The following NBEA variants were observed in gnomAD, a reference collection of about 807,000 sequenced individuals.
NBEA encodes lysosomal-trafficking regulator 2.
NBEA carries 44 observed loss-of-function variants against 343.4 expected under a neutral mutation model. The ratio of observed to expected loss-of-function variants is 0.13; its 90% CI spans 0.10 to 0.16. The LOEUF (loss-of-function observed/expected upper bound fraction) is 0.16. Ranked by LOEUF, NBEA falls within the 10% of genes least tolerant of loss-of-function variation. The pLI is 1.00. For synonymous variants in NBEA, 1,175 were observed against 1,238.7 expected (o/e 0.95, Z 1.08); for missense variants, 2,555 against 3,631.3 (o/e 0.70, Z 7.62).
chr13:34,980,333 T>C (rs772901976), intron 1 of NBEA, among the ~76,000 whole-genome samples: 11 of 152,006 alleles, frequency 7.2e-5, no homozygotes, highest in African/African-American at 1.2e-4. Flanking sequence ...TTCAAATCAT[T>C]AGTATCATGT....
rs1022931492 is a variant in NBEA, at chr13:35,218,588, G to C, written c.5648+7409G>C. Among the ~76,000 whole-genome samples the C allele has an allele frequency of 2.6e-5, 4 of 151,794 alleles. No individual in the cohort carries two copies. In the East Asian group the frequency reaches 7.7e-4, roughly 29 times the overall value. On this transcript the variant is annotated intron_variant, in intron 33 of 58. Transcript: ENST00000379939. ...CATTCTTTTTAAATTCTTCATCTCA[G>C]ATGAAAAACATTGAACATTTATCAT...
intron 11 of NBEA, 84 bp downstream of exon 11, chr13:35,098,489 A>G: frequency 1.1e-6 from 1 of 944,828 alleles, no homozygotes; most frequent in South Asian, 1.5e-5. Flanking sequence ...CTGTAATTTC[A>G]CTTTCCATTG....
intron 38 of NBEA, among the ~76,000 whole-genome samples, chr13:35,378,156 G>A (rs372151881): frequency 6.6e-6 from 1 of 152,128 alleles, no homozygotes; most frequent in East Asian, 1.9e-4. Context: ...TCCAGGAATA[G>A]GCCCATAGAA....
intron 45 of NBEA, among the ~76,000 whole-genome samples, chr13:35,574,894 C>G (rs775736434): frequency 1.3e-5 from 2 of 151,880 alleles, no homozygotes; most frequent in Non-Finnish European, 2.9e-5. Context: ...GGATTAAAGG[C>G]GTGCACCACC....
At chr13:35,279,391 A>G (rs1805897418) in intron 34 of NBEA, among the ~76,000 whole-genome samples, 1 of 152,198 alleles carries the variant, frequency 6.6e-6, no homozygotes, top group South Asian at 2.1e-4. Context: ...AAAACCAGAT[A>G]TTCTGATTTT....
chr13:35,316,952 G>GT (rs557813798), intron 36 of NBEA, among the ~76,000 whole-genome samples: 4 of 151,950 alleles, frequency 2.6e-5, no homozygotes, highest in Admixed American at 1.3e-4. Flanking sequence ...TTTTTGATGG[G>GT]TTTTTTTGTT....
chr13:35,070,789 T>C lies in NBEA; in HGVS notation c.1508T>C (p.Phe503Ser). ...IHSIGGIQVLFPLFAQLDNRQ... is the reference protein window; with the variant it reads ...IHSIGGIQVLSPLFAQLDNRQ... ...TCAATTGGAGGGATTCAAGTGCTTT[T>C]TCCACTTTTTGCCCAATTGGATAAT... The change falls in exon 10 of 59, where the codon TTT becomes TCT. Residue 503 changes from phenylalanine to serine, a missense_variant. This residue lies in a region of NBEA where 360 missense variants were observed against 519.1 expected (regional missense o/e 0.69). Coordinates refer to ENST00000379939, the MANE Select transcript of NBEA (RefSeq NM_001385012.1). 6.2e-7 allele frequency: 1 copy of C among 1,610,364 alleles called. No individual in the cohort carries two copies. Among genetic ancestry groups the C allele is most frequent in the South Asian group, 1.1e-5 (1 of 90,922 alleles).
intron 38 of NBEA, among the ~76,000 whole-genome samples, chr13:35,431,104 CT>C (rs1361718516): frequency 2.0e-5 from 3 of 151,462 alleles, no homozygotes; most frequent in South Asian, 2.1e-4. Context: ...AAATCCATAG[CT>C]TTTTTTTGAA....
chr13:35,330,993 G>A (rs1182404657), intron 36 of NBEA, among the ~76,000 whole-genome samples: 2 of 151,968 alleles, frequency 1.3e-5, no homozygotes, highest in Admixed American at 6.6e-5. Context: ...ATAATTCATA[G>A]CTAATATGGC....
chr13:34,963,782 C>T lies in NBEA; in HGVS notation c.294+20668C>T, dbSNP rs1015386056. 3.3e-5 allele frequency among the ~76,000 whole-genome samples: 5 copies of T among 151,522 alleles called. No individual in the cohort carries two copies. In the East Asian group the frequency reaches 5.9e-4, roughly 18 times the overall value. ...GGCACTGTTGATTCAGTAGTATCAGCGGAAAAGCCCAAATAGTTTTGACTC... is the reference window on the plus strand; with the variant it reads ...GGCACTGTTGATTCAGTAGTATCAGTGGAAAAGCCCAAATAGTTTTGACTC... On this transcript the variant is annotated intron_variant, in intron 1 of 58. Transcript: ENST00000379939.
intron 34 of NBEA, among the ~76,000 whole-genome samples, chr13:35,276,853 A>G (rs1451179664): frequency 1.3e-5 from 2 of 152,216 alleles, no homozygotes; most frequent in Non-Finnish European, 2.9e-5. Context: ...GCTCTAAGCA[A>G]AGTCCACGTT....
At chr13:35,289,172 A>G (rs1045041662) in intron 34 of NBEA, among the ~76,000 whole-genome samples, 9 of 151,948 alleles carry the variant, frequency 5.9e-5, no homozygotes, top group African/African-American at 1.9e-4. Context: ...CTCAAGAAAC[A>G]AAAATAACTG....
At chr13:35,288,956 C>G (rs2035618758) in intron 34 of NBEA, among the ~76,000 whole-genome samples, 1 of 151,950 alleles carries the variant, frequency 6.6e-6, no homozygotes, top group African/African-American at 2.4e-5. Flanking sequence ...CTTCTCACAT[C>G]TGCCTCTTAT....
Position 35,550,608 on chromosome 13 carries a change from A to C in NBEA, c.6703+14A>C, listed in dbSNP as rs377516532. ...TGGCAAACCGAAGTAAGTCCCCTTA[A>C]TATTTTGAAAGAAAATGTGCTCATA... is the stretch of plus-strand genomic sequence containing the variant. On this transcript the variant is annotated intron_variant, in intron 42 of 58. Coordinates refer to ENST00000379939, the MANE Select transcript of NBEA (RefSeq NM_001385012.1). The C allele has an allele frequency of 2.0e-6, 3 of 1,505,266 alleles. No individual in the cohort carries two copies. Among genetic ancestry groups the C allele is most frequent in the Non-Finnish European group, 2.8e-6 (3 of 1,084,430 alleles). The allele number at this position is 1,505,266 out of a possible 1,614,324, so 93.2% of individuals were successfully genotyped here.
intron 41 of NBEA, among the ~76,000 whole-genome samples, chr13:35,490,909 G>A (rs1011719916): frequency 6.6e-6 from 1 of 151,924 alleles, no homozygotes; most frequent in African/African-American, 2.4e-5. Context: ...AGGCTCCAGA[G>A]TGTGCTTTCT....
intron 39 of NBEA, among the ~76,000 whole-genome samples, chr13:35,441,243 C>G (rs1177799254): frequency 6.6e-6 from 1 of 152,146 alleles, no homozygotes; most frequent in African/African-American, 2.4e-5. Context: ...CACCAAGCCT[C>G]TCATGGAAAA....
chr13:35,352,041 C>T, intron 37 of NBEA, 116 bp from the exon 38 acceptor site: 1 of 505,672 alleles, frequency 2.0e-6, no homozygotes, highest in Non-Finnish European at 3.1e-6. Context: ...CAAAAGATTA[C>T]ATTATTTGAG....
In NBEA at chr13:35,671,595, A is replaced by G. The variant is rs2085618652; in HGVS notation, c.*604A>G. On this transcript the variant is annotated 3_prime_UTR_variant, in exon 59 of 59. Transcript: ENST00000379939. ...GAAACAGAAAGATCTGTCCAAGGAC[A>G]CAGCTTGTATGAAAGGGTTGAATTT... 1 of 152,710 alleles carries G rather than the reference A, an allele frequency of 6.5e-6. No individual in the cohort carries two copies. Among genetic ancestry groups the G allele is most frequent in the African/African-American group, 2.4e-5 (1 of 41,478 alleles). The allele number at this position is 152,710 out of a possible 1,614,324, so 9.5% of individuals were successfully genotyped here.
At chr13:35,181,702 G>A (rs576978438) in intron 28 of NBEA, among the ~76,000 whole-genome samples, 2 of 151,794 alleles carry the variant, frequency 1.3e-5, no homozygotes, top group African/African-American at 4.8e-5. Flanking sequence ...TGTTGCATTT[G>A]CTTTTGGGTT....
Sources: allele counts gnomAD v4.1 joint callset (sites outside exome capture counted in the v4.1 genomes callset), GRCh38; gene constraint gnomAD v4.1.1; regional missense constraint gnomAD v4.1.1; transcripts MANE v1.5; gene names NCBI Gene and HGNC (gene_info 2026-07-23, HGNC 2026-07-21).